The following ZC3H18 variants were observed in gnomAD, a reference collection of about 807,000 sequenced individuals.
ZC3H18 encodes the protein zinc finger CCCH domain-containing protein 18.
Under a neutral mutation model 106.1 loss-of-function variants are expected in ZC3H18, and 8 were observed. The observed-to-expected ratio is 0.08, with a 90% CI of 0.04 to 0.14. The LOEUF (loss-of-function observed/expected upper bound fraction) is 0.14. Ranked by LOEUF, ZC3H18 falls within the 10% of genes least tolerant of loss-of-function variation. The probability of loss-of-function intolerance (pLI) is 1.00; values close to 1 mark genes in which losing one functional copy is unlikely to be tolerated. For missense variants in ZC3H18, 1,318 were observed against 1,278.4 expected (o/e 1.03, Z -0.47); for synonymous variants, 635 against 522.1 (o/e 1.22, Z -2.95).
intron 7 of ZC3H18, 180 bp downstream of exon 7, chr16:88,609,231 A>G (rs1905159355): frequency 7.1e-6 from 3 of 425,338 alleles, no homozygotes; most frequent in African/African-American, 2.0e-5. Flanking sequence ...GATTACATTA[A>G]TGGTCATTTG....
At chr16:88,584,600 G>A (rs1432767277) in intron 2 of ZC3H18, among the ~76,000 whole-genome samples, 1 of 152,162 alleles carries the variant, frequency 6.6e-6, no homozygotes, top group Non-Finnish European at 1.5e-5. Flanking sequence ...ACAGCCCCTG[G>A]TCCTTGCGGG....
In ZC3H18 at chr16:88,577,371, C is replaced by T; in HGVS notation, c.248C>T (p.Ser83Leu). ...ASEPKSQDQD[S>L]EVNELSRGPT... ...GAGCCTAAATCCCAAGACCAGGACTCAGAGGTGAATGAGCTGAGCCGGGGC... is the reference window on the plus strand; with the variant it reads ...GAGCCTAAATCCCAAGACCAGGACTTAGAGGTGAATGAGCTGAGCCGGGGC... The change falls in exon 2 of 18, where the codon TCA (serine) becomes TTA (leucine). Residue 83 changes from serine to leucine, a missense_variant. Transcript: ENST00000301011. 6 of 1,597,878 alleles carry T rather than the reference C, an allele frequency of 3.8e-6. No individual in the cohort carries two copies. The highest frequency in any genetic ancestry group is 1.7e-4 in the Middle Eastern group (1 of 5,972).
Position 88,598,623 on chromosome 16 carries a change from G to C in ZC3H18, c.841G>C (p.Gly281Arg). ...HPLMPANPWG[G>R]PVVDEILPPP... Reference sequence around the variant, plus strand: ...CTCCCTTCTCGTTTTTCAATAGGGTGGGCCGGTAGTTGATGAAATTTTGCC... The same window carrying C: ...CTCCCTTCTCGTTTTTCAATAGGGTCGGCCGGTAGTTGATGAAATTTTGCC... The change falls in exon 5 of 18, where the codon GGG becomes CGG. Residue 281 changes from glycine (G) to arginine (R), a missense_variant. Physicochemically the swap from Gly to Arg is moderately radical, Grantham distance 125. This residue lies in a region of ZC3H18 where 78 missense variants were observed against 67.3 expected (regional missense o/e 1.16). Transcript: ENST00000301011. 1 of 1,609,246 alleles carries C rather than the reference G, an allele frequency of 6.2e-7. No individual in the cohort carries two copies. Among genetic ancestry groups the C allele is most frequent in the Non-Finnish European group, 8.5e-7 (1 of 1,177,404 alleles).
At chr16:88,587,498 G>C (rs1363966093) in intron 3 of ZC3H18, 13 of 1,494,392 alleles carry the variant, frequency 8.7e-6, no homozygotes, top group Non-Finnish European at 1.2e-5. Context: ...CAGCCTGTGT[G>C]TGCCATCTAA....
rs1388742685 is a variant in ZC3H18 at position 88,631,761 on chromosome 16, A to C, written c.*462A>C. The C allele has an allele frequency of 1.1e-5, 4 of 359,018 alleles. No homozygotes were observed. The highest frequency in any genetic ancestry group is 2.2e-5 in the African/African-American group (1 of 46,122). The allele number at this position is 359,018 out of a possible 1,614,324, so 22.2% of individuals were successfully genotyped here. A position where few individuals can be genotyped will look rare whatever the true frequency, so the allele number is the denominator to read the frequency against. ...GCCCCTGATCACCCGCCCCCGGATCAGAAATATATCTATATTCTCGACTAA... is the reference window on the plus strand; with the variant it reads ...GCCCCTGATCACCCGCCCCCGGATCCGAAATATATCTATATTCTCGACTAA... On this transcript the variant is annotated 3_prime_UTR_variant, in exon 18 of 18. Transcript: ENST00000301011.
At chr16:88,606,822 G>C (rs1401824943) in intron 6 of ZC3H18, among the ~76,000 whole-genome samples, 4 of 152,206 alleles carry the variant, frequency 2.6e-5, no homozygotes, top group Admixed American at 2.0e-4. Context: ...TCCTTTGGGA[G>C]AGCCAGTTCT....
Position 88,577,393 on chromosome 16 carries a change from G to T in ZC3H18, c.270G>T (p.Arg90=), listed in dbSNP as rs776751076. The T allele has an allele frequency of 1.7e-5, 27 of 1,597,724 alleles. No homozygotes were observed. Among genetic ancestry groups the T allele is most frequent in the South Asian group, 4.5e-5 (4 of 89,276 alleles). The change falls in exon 2 of 18, where the codon CGG becomes CGT. Residue 90 remains arginine (R), a synonymous_variant. Coordinates refer to ENST00000301011, the MANE Select transcript of ZC3H18 (RefSeq NM_144604.4). ...DQDSEVNELS[R]GPTSSPCEEE... is the part of the protein sequence containing the mutation. ...ACTCAGAGGTGAATGAGCTGAGCCG[G>T]GGCCCGACCAGCTCCCCCTGCGAGG...
At chr16:88,588,555 C>T (rs1299577592) in intron 3 of ZC3H18, among the ~76,000 whole-genome samples, 1 of 132,826 alleles carries the variant, frequency 7.5e-6, no homozygotes, top group Non-Finnish European at 1.8e-5. Context: ...ATCCTGTCTC[C>T]TTGCACATCA....
chr16:88,597,426 C>T (rs964822124), intron 3 of ZC3H18, among the ~76,000 whole-genome samples: 8 of 152,006 alleles, frequency 5.3e-5, no homozygotes, highest in African/African-American at 1.5e-4. Context: ...ATTTTTAAAC[C>T]GCTTAGATAC....
chr16:88,571,785 T>C, intron 1 of ZC3H18: 1 of 636,144 alleles, frequency 1.6e-6, no homozygotes, highest in African/African-American at 2.0e-5. Flanking sequence ...TCACGCTTGG[T>C]CACTTTGCAC....
rs898174532 is a variant in ZC3H18, at chr16:88,574,017, A to G, written c.-14-3093A>G. 2.0e-5 allele frequency among the ~76,000 whole-genome samples: 3 copies of G among 151,390 alleles called. No individual in the cohort carries two copies. In the East Asian group the frequency reaches 5.8e-4, roughly 29 times the overall value. On this transcript the variant is annotated intron_variant, in intron 1 of 17. Transcript: ENST00000301011. ...GCCTCCCGAGCAGCTGGGATTACAGATGCCCACCACCATGCCCAGCTAATG... is the reference window on the plus strand; with the variant it reads ...GCCTCCCGAGCAGCTGGGATTACAGGTGCCCACCACCATGCCCAGCTAATG...
intron 6 of ZC3H18, among the ~76,000 whole-genome samples, chr16:88,603,078 C>T (rs1904831637): frequency 1.3e-5 from 2 of 151,846 alleles, no homozygotes; most frequent in Non-Finnish European, 2.9e-5. Context: ...CATTCTCCTG[C>T]CTCAGCCTCC....
intron 17 of ZC3H18, 133 bp from the exon 18 acceptor site, chr16:88,630,968 G>C (rs1160182011): frequency 3.5e-6 from 4 of 1,131,306 alleles, no homozygotes; most frequent in African/African-American, 3.1e-5. Flanking sequence ...GTGGGAGCCT[G>C]GCCATCCAGG....
chr16:88,583,402 A>C (rs1032073460), intron 2 of ZC3H18, among the ~76,000 whole-genome samples: 2 of 152,244 alleles, frequency 1.3e-5, no homozygotes, highest in African/African-American at 4.8e-5. Context: ...AGCACGGTGC[A>C]GCATTTTCCT....
At chr16:88,606,637 G>T (rs1905023511) in intron 6 of ZC3H18, among the ~76,000 whole-genome samples, 1 of 152,184 alleles carries the variant, frequency 6.6e-6, no homozygotes, top group Non-Finnish European at 1.5e-5. Context: ...TGTGTTTTTT[G>T]TAGAGACGGT....
intron 8 of ZC3H18, 68 bp downstream of exon 8, chr16:88,611,604 C>A (rs559084679): frequency 1.0e-5 from 15 of 1,506,042 alleles, no homozygotes; most frequent in East Asian, 2.5e-5. Flanking sequence ...ACCTAGTCCC[C>A]CTGGCCTGCG....
At chr16:88,599,289 A>G (rs1216905466) in intron 5 of ZC3H18, among the ~76,000 whole-genome samples, 2 of 152,234 alleles carry the variant, frequency 1.3e-5, no homozygotes, top group East Asian at 1.9e-4. Flanking sequence ...TTCTGGTCCT[A>G]TCACTGCACA....
Position 88,627,486 on chromosome 16 carries a change from G to T in ZC3H18, c.2109-136G>T, listed in dbSNP as rs1906381832. 3.2e-6 allele frequency: 4 copies of T among 1,245,158 alleles called. No homozygotes were observed. The highest frequency in any genetic ancestry group is 3.3e-6 in the Non-Finnish European group (3 of 905,374). 77.1% of individuals were successfully genotyped at this position (1,245,158 alleles called of 1,614,324 possible). ...CTTTGTAACCCTGAAACTGCCCAGT[G>T]TCCCCCCAAAATCACACATTCCGTG... On this transcript the variant is annotated intron_variant, in intron 13 of 17. Coordinates refer to ENST00000301011, the MANE Select transcript of ZC3H18 (RefSeq NM_144604.4). This position sits in a 1 kb window ranked among gnomAD's most constrained non-coding sequence, Gnocchi z 4.5.
chr16:88,619,545 T>G (rs1477456807), intron 8 of ZC3H18, among the ~76,000 whole-genome samples: 1 of 152,202 alleles, frequency 6.6e-6, no homozygotes, highest in Non-Finnish European at 1.5e-5. Context: ...CATCTTCATT[T>G]TGAAATTCGG....
Sources: gnomAD v4.1 joint callset for allele counts (sites outside exome capture counted in the v4.1 genomes callset) on GRCh38, gnomAD v4.1.1 for gene constraint, gnomAD v4.1.1 regional missense constraint, Gnocchi (gnomAD v3.1) non-coding constraint, MANE v1.5 for transcripts, NCBI Gene and HGNC (gene_info 2026-07-23, HGNC 2026-07-21) for gene names.